WDPCP: variants seen among roughly 807,000 people sequenced by gnomAD.
The protein encoded by WDPCP is WD repeat containing planar cell polarity effector.
WDPCP carries 71 observed loss-of-function variants against 93.1 expected under a neutral mutation model. The observed-to-expected ratio is 0.76, with a 90% CI of 0.63 to 0.93. The LOEUF is 0.93. WDPCP is among the 40% of genes least tolerant of loss of function. The pLI, the probability that WDPCP is intolerant of heterozygous loss-of-function variation, is 0.00. For missense variants in WDPCP, 844 were observed against 887.4 expected (o/e 0.95, Z 0.62); for synonymous variants, 315 against 315.0 (o/e 1.00, Z 0.00).
At chr2:63,559,464 G>T (rs534021432) in intron 1 of WDPCP, among the ~76,000 whole-genome samples, 16 of 152,248 alleles carry the variant, frequency 1.1e-4, no homozygotes, top group Admixed American at 8.5e-4. Flanking sequence ...ATTCAAATAG[G>T]AAGAGAGGAA....
intron 12 of WDPCP, among the ~76,000 whole-genome samples, chr2:63,372,641 T>G (rs1213390481): frequency 2.8e-4 from 42 of 152,190 alleles, no homozygotes; most frequent in Admixed American, 2.7e-3. Context: ...CTTTGTTTGC[T>G]TAATCTATCA....
chr2:63,684,902 A>C (rs1668785132), intron 2 of WDPCP, among the ~76,000 whole-genome samples: 1 of 152,208 alleles, frequency 6.6e-6, no homozygotes, highest in African/African-American at 2.4e-5. Context: ...ATTAAGAAGG[A>C]AATTTTAAAA....
intron 2 of WDPCP, among the ~76,000 whole-genome samples, chr2:63,709,574 C>G (rs1669229586): frequency 6.6e-6 from 1 of 152,178 alleles, no homozygotes; most frequent in African/African-American, 2.4e-5. Flanking sequence ...GAATTTAAGT[C>G]TATGGTCTAT....
intron 14 of WDPCP, among the ~76,000 whole-genome samples, chr2:63,178,320 A>G (rs1323772295): frequency 6.6e-6 from 1 of 152,158 alleles, no homozygotes; most frequent in Non-Finnish European, 1.5e-5. Flanking sequence ...GAATATTCTA[A>G]TGAAGGCATG....
chr2:63,401,813 G>C (rs565232333), intron 10 of WDPCP, among the ~76,000 whole-genome samples: 87 of 151,970 alleles, frequency 5.7e-4, no homozygotes, highest in African/African-American at 2.0e-3. Flanking sequence ...TCAAAAAAAA[G>C]GTCAAGAAAA....
Position 63,331,877 on chromosome 2 carries a change from A to G in WDPCP, c.1749-18566T>C, listed in dbSNP as rs923511777. Among the ~76,000 whole-genome samples the G allele has an allele frequency of 5.9e-5, 9 of 152,106 alleles. No individual in the cohort carries two copies. The South Asian group carries it at 1.9e-3, about 32-fold the overall frequency. On this transcript the variant is annotated intron_variant, in intron 12 of 17. Transcript: ENST00000272321. ...ATTGTTTTTACCTTTCTTTTCATAA[A>G]TCTTTAGAGATTCATCCATTTTTTT... is the stretch of plus-strand genomic sequence containing the variant.
chr2:63,763,307 C>T (rs1670085099), intron 2 of WDPCP, among the ~76,000 whole-genome samples: 1 of 151,908 alleles, frequency 6.6e-6, no homozygotes, highest in Non-Finnish European at 1.5e-5. Context: ...AGTTTGAGAC[C>T]AGCCTGGCCG....
chr2:63,269,939 A>T (rs1682486941), intron 13 of WDPCP, among the ~76,000 whole-genome samples: 1 of 152,242 alleles, frequency 6.6e-6, no homozygotes, highest in African/African-American at 2.4e-5. Context: ...TGTTTATTTT[A>T]AAATAACATT....
At chr2:63,573,731 C>T (rs370850806) in intron 1 of WDPCP, among the ~76,000 whole-genome samples, 58 of 152,230 alleles carry the variant, frequency 3.8e-4, no homozygotes, top group African/African-American at 1.1e-3. Context: ...AAACTCTGAC[C>T]GCCAGTGAGC....
At chr2:63,278,156 A>T (rs184358749) in intron 13 of WDPCP, among the ~76,000 whole-genome samples, 1 of 152,366 alleles carries the variant, frequency 6.6e-6, no homozygotes, top group African/African-American at 2.4e-5. Context: ...CTGCTCCTGT[A>T]TGATCTTTAG....
intron 14 of WDPCP, among the ~76,000 whole-genome samples, chr2:63,224,483 G>A (rs1678109517): frequency 1.3e-5 from 2 of 151,980 alleles, no homozygotes; most frequent in Non-Finnish European, 2.9e-5. Context: ...GAACTCAGAA[G>A]TAACCAAGTT....
intron 1 of WDPCP, among the ~76,000 whole-genome samples, chr2:63,545,336 TGAGA>T (rs371799461): frequency 1.2e-4 from 18 of 148,606 alleles, no homozygotes; most frequent in East Asian, 5.9e-4. Flanking sequence ...TGTGTGTGTG[TGAGA>T]GAGAGAGAGA....
At chr2:63,218,592 C>A (rs1421383718) in intron 14 of WDPCP, among the ~76,000 whole-genome samples, 1 of 152,102 alleles carries the variant, frequency 6.6e-6, no homozygotes, top group African/African-American at 2.4e-5. Context: ...TGCAGTGGCC[C>A]TATCTCGGCT....
intron 17 of WDPCP, among the ~76,000 whole-genome samples, chr2:63,137,287 T>C (rs1450646202): frequency 6.6e-6 from 1 of 152,202 alleles, no homozygotes; most frequent in Non-Finnish European, 1.5e-5. Context: ...TGGTATCTCA[T>C]TGTGGTTTTG....
chr2:63,605,386 C>T, intron 3 of WDPCP: 8 of 1,609,880 alleles, frequency 5.0e-6, no homozygotes, highest in Non-Finnish European at 6.8e-6. Flanking sequence ...TGGTTTGGAA[C>T]CCCAGAGGTA....
intron 3 of WDPCP, among the ~76,000 whole-genome samples, chr2:63,628,644 C>A (rs890321263): frequency 6.6e-6 from 1 of 152,106 alleles, no homozygotes; most frequent in Non-Finnish European, 1.5e-5. Flanking sequence ...GTTTAGGAGG[C>A]CTCAGTTTTT....
At chr2:63,517,938 G>C (rs568053333) in intron 1 of WDPCP, 1 of 152,276 alleles carries the variant, frequency 6.6e-6, no homozygotes, top group African/African-American at 2.4e-5. Context: ...GCCCAGACTG[G>C]AGTGCAGCGG....
intron 9 of WDPCP, among the ~76,000 whole-genome samples, chr2:63,429,730 G>T (rs1365643834): frequency 1.3e-5 from 2 of 152,150 alleles, no homozygotes; most frequent in African/African-American, 2.4e-5. Flanking sequence ...CTTACACACT[G>T]TTGGTGGGTA....
chr2:63,599,482 G>T, intron 3 of WDPCP: 1 of 455,494 alleles, frequency 2.2e-6, no homozygotes, highest in Non-Finnish European at 3.7e-6. Context: ...TCTCTTAAAG[G>T]ACCAGAGGCT....
Sources: allele counts gnomAD v4.1 joint callset (sites outside exome capture counted in the v4.1 genomes callset), GRCh38; gene constraint gnomAD v4.1.1; transcripts MANE v1.5; gene names NCBI Gene and HGNC (gene_info 2026-07-23, HGNC 2026-07-21).